Variants in KAZN observed in about 807,000 individuals in gnomAD.
The protein encoded by KAZN is kazrin.
Under a neutral mutation model 87.4 loss-of-function variants are expected in KAZN, and 40 were observed. The observed-to-expected ratio is 0.46, with a 90% confidence interval of 0.36 to 0.60. The LOEUF (loss-of-function observed/expected upper bound fraction) is 0.60, where lower values mean the gene tolerates loss of function less well. Among genes scored for constraint, KAZN ranks in the 20% least tolerant of loss-of-function variants. KAZN has a pLI of 0.00. For synonymous variants in KAZN, 466 were observed against 458.3 expected (o/e 1.02, Z -0.22); for missense variants, 898 against 1,073.9 (o/e 0.84, Z 2.29).
At chr1:14,417,384 C>A (rs1308200659) in intron 2 of KAZN, among the ~76,000 whole-genome samples, 1 of 152,102 alleles carries the variant, frequency 6.6e-6, no homozygotes, top group Admixed American at 6.6e-5. Flanking sequence ...ATTTCTCTGG[C>A]GGCTGATTTG....
At chr1:14,153,669 T>C (rs1645525736) in intron 1 of KAZN, among the ~76,000 whole-genome samples, 1 of 150,714 alleles carries the variant, frequency 6.6e-6, no homozygotes, top group Non-Finnish European at 1.5e-5. Flanking sequence ...CCCAGCTACT[T>C]GGGAAGGCTG....
intron 1 of KAZN, among the ~76,000 whole-genome samples, chr1:13,983,536 G>A (rs1638857310): frequency 6.6e-6 from 1 of 152,156 alleles, no homozygotes; most frequent in Non-Finnish European, 1.5e-5. Flanking sequence ...GTTCCTGCTC[G>A]GGCCTCTCCC....
intron 1 of KAZN, among the ~76,000 whole-genome samples, chr1:14,627,349 A>G (rs971466855): frequency 6.6e-6 from 1 of 152,062 alleles, no homozygotes; most frequent in African/African-American, 2.4e-5. Context: ...GCTGGGGCCC[A>G]GCAAGTCGCC....
chr1:14,026,350 G>A (rs577984381), intron 1 of KAZN, among the ~76,000 whole-genome samples: 8 of 152,234 alleles, frequency 5.3e-5, no homozygotes, highest in African/African-American at 1.9e-4. Flanking sequence ...TGAGGCAAAC[G>A]GTGGTTAAGT....
intron 2 of KAZN, among the ~76,000 whole-genome samples, chr1:14,218,208 G>A (rs546682902): frequency 6.6e-4 from 100 of 152,212 alleles, no homozygotes; most frequent in African/African-American, 2.3e-3. Context: ...TCTAGAATCA[G>A]TATTCTGGCA....
At chr1:14,176,935 G>A (rs1646090458) in intron 1 of KAZN, among the ~76,000 whole-genome samples, 1 of 152,172 alleles carries the variant, frequency 6.6e-6, no homozygotes, top group South Asian at 2.1e-4. Flanking sequence ...CAAGGCGGGT[G>A]GATCACGAGG....
intron 1 of KAZN, among the ~76,000 whole-genome samples, chr1:14,028,864 A>C (rs922062278): frequency 6.6e-5 from 10 of 152,044 alleles, no homozygotes; most frequent in African/African-American, 2.4e-4. Context: ...TTCTTAATCC[A>C]GTCTATCATT....
chr1:14,345,332 C>G (rs1279153040), intron 2 of KAZN, among the ~76,000 whole-genome samples: 2 of 152,098 alleles, frequency 1.3e-5, no homozygotes, highest in African/African-American at 4.8e-5. Flanking sequence ...GCAGAGCCTG[C>G]CCCCAGAGTT....
chr1:13,990,346 AAAG>A (rs1243984612), intron 1 of KAZN, among the ~76,000 whole-genome samples: 8 of 152,224 alleles, frequency 5.3e-5, no homozygotes, highest in African/African-American at 1.9e-4. Context: ...TTCAGTAATA[AAAG>A]AAGTGTATTC....
At chr1:14,054,017 G>A (rs1053169513) in intron 1 of KAZN, among the ~76,000 whole-genome samples, 29 of 152,062 alleles carry the variant, frequency 1.9e-4, no homozygotes, top group African/African-American at 6.5e-4. Flanking sequence ...TATCCTCATT[G>A]TCTTCATGTT....
intron 1 of KAZN, among the ~76,000 whole-genome samples, chr1:14,066,195 A>G (rs751698169): frequency 2.6e-5 from 4 of 152,228 alleles, no homozygotes; most frequent in Non-Finnish European, 2.9e-5. Context: ...TCTATGATGT[A>G]TATTTTCTTT....
chr1:14,948,134 TGTCTCTGACAAAAA>T (rs1662050459), intron 1 of KAZN, among the ~76,000 whole-genome samples: 1 of 152,214 alleles, frequency 6.6e-6, no homozygotes, highest in Admixed American at 6.5e-5. Flanking sequence ...CCCAGAAAAC[TGTCTCTGACAAAAA>T]CAGTGTATCA....
intron 1 of KAZN, among the ~76,000 whole-genome samples, chr1:13,928,306 G>T (rs978925714): frequency 1.3e-5 from 2 of 152,220 alleles, no homozygotes; most frequent in Non-Finnish European, 2.9e-5. Flanking sequence ...TGATGATGAT[G>T]ATGACAGTGG....
chr1:14,315,609 C>G (rs1655600580), intron 2 of KAZN, among the ~76,000 whole-genome samples: 1 of 151,952 alleles, frequency 6.6e-6, no homozygotes, highest in South Asian at 2.1e-4. Context: ...CACTATAGAC[C>G]AAATTTGTCT....
intron 2 of KAZN, among the ~76,000 whole-genome samples, chr1:14,390,340 T>A (rs1662311735): frequency 6.6e-6 from 1 of 152,180 alleles, no homozygotes; most frequent in Non-Finnish European, 1.5e-5. Context: ...ATTTATAATG[T>A]AAACTTCGAA....
At chr1:13,897,276 A>C (rs1639081014) in intron 1 of KAZN, among the ~76,000 whole-genome samples, 1 of 152,228 alleles carries the variant, frequency 6.6e-6, no homozygotes, top group Non-Finnish European at 1.5e-5. Flanking sequence ...TGCAGAAAAA[A>C]CAAAAACTTT....
rs201238142 is a variant in KAZN, at chr1:15,110,283, TTG to T, written c.2049-2134_2049-2133del. Among the ~76,000 whole-genome samples the T allele has an allele frequency of 6.0e-3, 897 of 150,756 alleles. 2 individuals are homozygous for T. Among genetic ancestry groups the T allele is most frequent in the Non-Finnish European group, 0.011 (710 of 67,612 alleles). Reference sequence around the variant, plus strand: ...CTTGTGTGTGTATATGTGTGTATGTTTGTGTGTGTGTATATGTATGTGTGTAT... The same window carrying T: ...CTTGTGTGTGTATATGTGTGTATGTTTGTGTGTGTATATGTATGTGTGTAT... On this transcript the variant is annotated intron_variant, in intron 13 of 14. Transcript: ENST00000376030.
chr1:14,883,645 T>A (rs7525175), intron 1 of KAZN, among the ~76,000 whole-genome samples: 67,169 of 151,670 alleles, frequency 0.44, 15,071 homozygotes, highest in Non-Finnish European at 0.47. Context: ...CACACAATAT[T>A]GGATCTAATT....
rs537673466 is a variant in KAZN at position 14,956,476 on chromosome 1, G to A, written c.227-4208G>A. Among the ~76,000 whole-genome samples the A allele has an allele frequency of 1.8e-4, 28 of 151,822 alleles. 1 individual carries two copies. In the East Asian group the frequency reaches 4.7e-3, roughly 25 times the overall value. On this transcript the variant is annotated intron_variant, in intron 1 of 14. Coordinates refer to ENST00000376030, the MANE Select transcript of KAZN (RefSeq NM_201628.3). ...ATTACCCAGGCGTGGTGGCGGGTTTGTAGCCTGTAATCCCAGCTACTCAGG... is the reference window on the plus strand; with the variant it reads ...ATTACCCAGGCGTGGTGGCGGGTTTATAGCCTGTAATCCCAGCTACTCAGG...
Sources: gnomAD v4.1 joint callset for allele counts (sites outside exome capture counted in the v4.1 genomes callset) on GRCh38, gnomAD v4.1.1 for gene constraint, MANE v1.5 for transcripts, NCBI Gene and HGNC (gene_info 2026-07-23, HGNC 2026-07-21) for gene names.